DMD: variants seen among roughly 807,000 people sequenced by gnomAD.
DMD encodes the protein dystrophin.
A neutral mutation model predicts 330.1 loss-of-function variants in DMD; 63 were observed. The ratio of observed to expected loss-of-function variants is 0.19; its 90% CI spans 0.16 to 0.24. DMD has a LOEUF of 0.24. DMD is among the 10% of genes least tolerant of loss of function. DMD has a pLI of 1.00. For missense variants in DMD, 3,344 were observed against 2,684.1 expected, an observed-to-expected ratio of 1.25 and a Z score of -5.43; for synonymous variants, 1,223 against 959.8, an observed-to-expected ratio of 1.27 and a Z score of -5.07.
At chrX:31,255,836 C>T (rs1041401339) in intron 63 of DMD, among the ~76,000 whole-genome samples, 4 of 97,021 alleles carry the variant, frequency 4.1e-5, no homozygotes, top group East Asian at 3.2e-4. Context: ...AGTGCTACAG[C>T]GTGATCTCAG....
At chrX:32,733,731 A>G (rs763645524) in intron 7 of DMD, among the ~76,000 whole-genome samples, 7 of 108,812 alleles carry the variant, frequency 6.4e-5, no homozygotes, top group African/African-American at 2.4e-4. Flanking sequence ...CAAAGACACA[A>G]CATACCAGAA....
intron 21 of DMD, 63 bp downstream of exon 21, chrX:32,484,856 G>T: frequency 1.8e-6 from 2 of 1,101,439 alleles, no homozygotes; most frequent in Non-Finnish European, 1.2e-6. Context: ...GTACCTTCTG[G>T]ATTTCCCCAC....
rs2033501746 is a variant in DMD, at chrX:31,125,410, T to C, written c.11046+1232A>G. Among the ~76,000 whole-genome samples, 4 of 111,911 alleles carry C rather than the reference T, an allele frequency of 3.6e-5. No individual in the cohort carries two copies. In the South Asian group the frequency reaches 1.5e-3, roughly 43 times the overall value. On this transcript the variant is annotated intron_variant, in intron 78 of 78. Coordinates refer to ENST00000357033, the MANE Select transcript of DMD (RefSeq NM_004006.3). The stretch of plus-strand genomic sequence containing the variant: ...AATCATTAAATTGATTAGACTTGTA[T>C]GGCATGATGTTGGCAGAGTTTTCAT...
intron 1 of DMD, among the ~76,000 whole-genome samples, chrX:33,080,117 G>C (rs186046606): frequency 8.9e-6 from 1 of 112,147 alleles, no homozygotes; most frequent in Non-Finnish European, 1.9e-5. Context: ...TTTTTAGAAC[G>C]CTTTATAATT....
At chrX:31,227,643 A>G (rs921785752) in intron 63 of DMD, among the ~76,000 whole-genome samples, 13 of 111,105 alleles carry the variant, frequency 1.2e-4, no homozygotes, top group Non-Finnish European at 2.5e-4. Context: ...GAAGAAAGTC[A>G]TTGGTAGCTT....
At chrX:31,347,939 T>C (rs1292336736) in intron 61 of DMD, among the ~76,000 whole-genome samples, 1 of 112,349 alleles carries the variant, frequency 8.9e-6, no homozygotes, top group Non-Finnish European at 1.9e-5. Context: ...ATATATCATG[T>C]GGTCTTGATT....
intron 1 of DMD, among the ~76,000 whole-genome samples, chrX:33,249,212 A>T (rs1421225179): frequency 8.9e-6 from 1 of 112,220 alleles, no homozygotes; most frequent in Non-Finnish European, 1.9e-5. Context: ...GTGCAATGGC[A>T]CAATCTCGGC....
intron 31 of DMD, 86 bp from the exon 32 acceptor site, chrX:32,389,760 A>C: frequency 1.1e-6 from 1 of 905,467 alleles, no homozygotes; most frequent in Non-Finnish European, 1.6e-6. Context: ...ATCTGCCTTT[A>C]TTTCTGAAGA....
intron 1 of DMD, among the ~76,000 whole-genome samples, chrX:33,253,508 T>C (rs2052805079): frequency 1.8e-5 from 2 of 111,718 alleles, no homozygotes; most frequent in South Asian, 3.6e-4. Flanking sequence ...TTTATCATTA[T>C]AGAGTCAAAC....
At chrX:32,653,926 A>G (rs777728370) in intron 9 of DMD, among the ~76,000 whole-genome samples, 1 of 111,983 alleles carries the variant, frequency 8.9e-6, no homozygotes, top group South Asian at 3.7e-4. Context: ...AGCAATTGTG[A>G]ATGGAGTTCA....
intron 2 of DMD, among the ~76,000 whole-genome samples, chrX:32,986,344 T>G (rs995562220): frequency 8.9e-6 from 1 of 112,427 alleles, no homozygotes; most frequent in African/African-American, 3.2e-5. Context: ...ACTTAGAAAT[T>G]TAGTTACTAT....
chrX:32,359,769 T>C (rs966674110), intron 37 of DMD, among the ~76,000 whole-genome samples: 1 of 111,336 alleles, frequency 9.0e-6, no homozygotes, highest in Non-Finnish European at 1.9e-5. Flanking sequence ...TAATTTATAC[T>C]TCCTGAATTC....
chrX:32,184,167 G>GT (rs59099457), intron 44 of DMD, among the ~76,000 whole-genome samples: 3 of 108,508 alleles, frequency 2.8e-5, no homozygotes, highest in East Asian at 5.8e-4. Context: ...CACAATGAGT[G>GT]TTTTTTTTCT....
chrX:32,802,676 G>C (rs2076664849), intron 7 of DMD, among the ~76,000 whole-genome samples: 1 of 111,530 alleles, frequency 9.0e-6, no homozygotes, highest in South Asian at 3.7e-4. Flanking sequence ...AAAATTTTTA[G>C]CATGAAGGGT....
intron 55 of DMD, among the ~76,000 whole-genome samples, chrX:31,608,300 G>A (rs998157793): frequency 1.7e-4 from 19 of 111,643 alleles, no homozygotes; most frequent in Non-Finnish European, 2.8e-4. Flanking sequence ...CCAAAATTTA[G>A]TACAGAAGTG....
chrX:32,807,122 TAAAAAAAAAAAA>T lies in DMD; in HGVS notation c.649+2359_649+2370del, dbSNP rs999286386. Among the ~76,000 whole-genome samples, 15 of 20,741 alleles carry T rather than the reference TAAAAAAAAAAAA, an allele frequency of 7.2e-4. No homozygotes were observed. The South Asian group carries it at 0.027, about 37-fold the overall frequency. The allele number at this position is 20,741 out of a possible 115,157, so 18.0% of individuals were successfully genotyped here. A position where few individuals can be genotyped will look rare whatever the true frequency, so the allele number is the denominator to read the frequency against. On this transcript the variant is annotated intron_variant, in intron 7 of 78. Transcript: ENST00000357033. ...CAGAACTGAAGGAGACGGAAACATT[TAAAAAAAAAAAA>T]AAAAAAAAAAAAAAACATCAACAAA...
At chrX:31,715,218 GGT>G (rs201794870) in intron 52 of DMD, among the ~76,000 whole-genome samples, 74 of 91,587 alleles carry the variant, frequency 8.1e-4, no homozygotes, top group East Asian at 2.8e-3. Context: ...ATTGGGGGTT[GGT>G]GGGGGGGGAG....
At chrX:32,601,445 A>C (rs1275336469) in intron 12 of DMD, among the ~76,000 whole-genome samples, 1 of 111,698 alleles carries the variant, frequency 9.0e-6, no homozygotes, top group African/African-American at 3.2e-5. Flanking sequence ...GGGGTTCTGA[A>C]AGACTGTTTC....
chrX:32,844,713 C>A, intron 4 of DMD, 70 bp downstream of exon 4: 7 of 938,770 alleles, frequency 7.5e-6, no homozygotes, highest in Non-Finnish European at 9.3e-6. Flanking sequence ...GCATTTGGGG[C>A]CAAAGCCCTC....
Sources: gnomAD v4.1 joint callset for allele counts (sites outside exome capture counted in the v4.1 genomes callset) on GRCh38, gnomAD v4.1.1 for gene constraint, MANE v1.5 for transcripts, NCBI Gene and HGNC (gene_info 2026-07-23, HGNC 2026-07-21) for gene names.